Variants in SLC26A5 observed in about 807,000 individuals in gnomAD.
SLC26A5 encodes solute carrier family 26 member 5.
SLC26A5 carries 51 observed loss-of-function variants against 81.0 expected under a neutral mutation model. That is an observed-to-expected ratio of 0.63 (90% CI 0.50 to 0.80). SLC26A5 has a LOEUF of 0.80. SLC26A5 is among the 30% of genes least tolerant of loss of function. The pLI is 0.00. For missense variants in SLC26A5, 771 were observed against 905.8 expected (o/e 0.85, Z 1.91); for synonymous variants, 325 against 332.8 (o/e 0.98, Z 0.25).
At position 103,379,227 on chromosome 7, in the gene SLC26A5, A is replaced by G; in HGVS notation, c.1677+16T>C. Reference sequence around the variant, plus strand: ...CAAATCCCATCCTCAGAAATAATCAATTTCTCATGACTCACCTTTCGTTTT... The same window carrying G: ...CAAATCCCATCCTCAGAAATAATCAGTTTCTCATGACTCACCTTTCGTTTT... On this transcript the variant is annotated intron_variant, in intron 16 of 19. Coordinates refer to ENST00000306312, the MANE Select transcript of SLC26A5 (RefSeq NM_198999.3). The G allele has an allele frequency of 1.3e-6, 2 of 1,575,722 alleles. No homozygotes were observed. The highest frequency in any genetic ancestry group is 1.7e-6 in the Non-Finnish European group (2 of 1,145,314).
chr7:103,358,024 T>C (rs1820142665), intron 19 of SLC26A5, among the ~76,000 whole-genome samples: 1 of 152,210 alleles, frequency 6.6e-6, no homozygotes, highest in African/African-American at 2.4e-5. Flanking sequence ...ACCCTGGAGA[T>C]TGCCCTTTAC....
chr7:103,359,278 G>A (rs1010036417), intron 19 of SLC26A5, among the ~76,000 whole-genome samples: 1 of 150,366 alleles, frequency 6.7e-6, no homozygotes, highest in African/African-American at 2.4e-5. Context: ...GATTACAGGT[G>A]TGAGCCACCG....
Position 103,443,793 on chromosome 7 carries a change from C to A in SLC26A5, c.-182-582G>T, listed in dbSNP as rs566853530. 3.7e-4 allele frequency among the ~76,000 whole-genome samples: 57 copies of A among 152,348 alleles called. 1 individual carries two copies. The highest frequency in any genetic ancestry group is 1.3e-3 in the African/African-American group (56 of 41,578). On this transcript the variant is annotated intron_variant, in intron 1 of 19. Coordinates refer to ENST00000306312, the MANE Select transcript of SLC26A5 (RefSeq NM_198999.3). ...GTTTGTGAATTTACCCACATTGCTTCATTTCCCTTTCCCTCCATCTACCTA... is the reference window on the plus strand; with the variant it reads ...GTTTGTGAATTTACCCACATTGCTTAATTTCCCTTTCCCTCCATCTACCTA...
chr7:103,355,528 G>A (rs943647795), intron 19 of SLC26A5, among the ~76,000 whole-genome samples: 3 of 151,816 alleles, frequency 2.0e-5, no homozygotes, highest in Non-Finnish European at 4.4e-5. Context: ...TGCTGCTGGC[G>A]TCTAGTGGTG....
In SLC26A5 at chr7:103,368,226, G is replaced by T. The variant is rs186871457; in HGVS notation, c.2041+8582C>A. ...CTAATGTTATTAGGCAGAAAAGCTT[G>T]TTAGAATATATTTTGACTATTTTTT... On this transcript the variant is annotated intron_variant, in intron 19 of 19. Coordinates refer to the SLC26A5 transcript ENST00000339444. The T allele has an allele frequency of 6.8e-5, 44 of 648,130 alleles. No individual in the cohort carries two copies. In the Admixed American group the frequency reaches 1.5e-3, roughly 22 times the overall value. The allele number at this position is 648,130 out of a possible 1,614,324, so 40.1% of individuals were successfully genotyped here.
At chr7:103,390,865 C>CTT (rs532219107) in intron 11 of SLC26A5, among the ~76,000 whole-genome samples, 30 of 134,602 alleles carry the variant, frequency 2.2e-4, no homozygotes, top group East Asian at 2.0e-3. Flanking sequence ...TGGCCATTTA[C>CTT]TTTTTTTTTT....
At chr7:103,426,081 G>A (rs935636611) in intron 2 of SLC26A5, among the ~76,000 whole-genome samples, 2 of 152,208 alleles carry the variant, frequency 1.3e-5, no homozygotes, top group Non-Finnish European at 2.9e-5. Context: ...CTTTACTTAT[G>A]TGTGTCTGCA....
chr7:103,438,918 A>G (rs1826665396), intron 2 of SLC26A5, among the ~76,000 whole-genome samples: 2 of 152,182 alleles, frequency 1.3e-5, no homozygotes, highest in East Asian at 1.9e-4. Flanking sequence ...AAATTTCTCA[A>G]TTTTTAAATG....
chr7:103,401,683 T>C (rs1308121182), intron 8 of SLC26A5, among the ~76,000 whole-genome samples: 2 of 152,228 alleles, frequency 1.3e-5, no homozygotes, highest in African/African-American at 2.4e-5. Context: ...TTCAGTATGA[T>C]ATTGGCTGTG....
At chr7:103,353,015 A>T (rs1348145553) in intron 19 of SLC26A5, 6 of 776,426 alleles carry the variant, frequency 7.7e-6, no homozygotes, top group Non-Finnish European at 2.4e-6. Flanking sequence ...ATGAAAGCAC[A>T]TGAGTATTGA....
At chr7:103,420,978 T>G (rs1200014038) in intron 3 of SLC26A5, 101 bp from the exon 4 acceptor site, 10 of 1,339,050 alleles carry the variant, frequency 7.5e-6, no homozygotes, top group Admixed American at 1.8e-5. Context: ...AGGAGCAATC[T>G]GGAAAAATTT....
intron 14 of SLC26A5, 35 bp downstream of exon 14, chr7:103,388,973 G>A (rs184955984): frequency 4.5e-5 from 66 of 1,461,628 alleles, no homozygotes; most frequent in African/African-American, 3.2e-4. Context: ...CATCTCTGCC[G>A]GGACATTCAC....
intron 2 of SLC26A5, among the ~76,000 whole-genome samples, chr7:103,429,298 C>T (rs980425968): frequency 2.6e-5 from 4 of 152,214 alleles, no homozygotes; most frequent in African/African-American, 9.7e-5. Flanking sequence ...ACATTTATAA[C>T]TTTAATAATG....
chr7:103,391,900 T>G (rs1172778749), intron 10 of SLC26A5, among the ~76,000 whole-genome samples, 165 bp from the exon 11 acceptor site: 1 of 152,250 alleles, frequency 6.6e-6, no homozygotes, highest in Non-Finnish European at 1.5e-5. Context: ...AATTATGGCA[T>G]ATTTTATAGT....
At chr7:103,358,021 A>T (rs1312907296) in intron 19 of SLC26A5, among the ~76,000 whole-genome samples, 1 of 152,046 alleles carries the variant, frequency 6.6e-6, no homozygotes, top group African/African-American at 2.4e-5. Context: ...TCTACCCTGG[A>T]GATTGCCCTT....
At chr7:103,352,888 C>G (rs1819800669) in exon 20 of SLC26A5, 1 of 780,944 alleles carries the variant, frequency 1.3e-6, no homozygotes, top group Non-Finnish European at 2.4e-6. Flanking sequence ...ACGGCATTTC[C>G]CCTACGGTCT....
At chr7:103,378,350 T>G in intron 17 of SLC26A5, 96 bp downstream of exon 17, 2 of 1,218,780 alleles carry the variant, frequency 1.6e-6, no homozygotes, top group Admixed American at 1.7e-5. Context: ...CCTCTTTTAG[T>G]AACTTCGTGC....
intron 14 of SLC26A5, among the ~76,000 whole-genome samples, chr7:103,382,346 CTTT>C (rs755840628): frequency 2.6e-5 from 3 of 114,344 alleles, no homozygotes; most frequent in Admixed American, 9.4e-5. Context: ...GCCCTATTTC[CTTT>C]TTTTTTTTTT....
At chr7:103,422,577 G>C (rs1004830765) in intron 2 of SLC26A5, among the ~76,000 whole-genome samples, 1 of 152,130 alleles carries the variant, frequency 6.6e-6, no homozygotes, top group African/African-American at 2.4e-5. Flanking sequence ...GTTACCTCTA[G>C]AGAGAGGGAA....
Sources: gnomAD v4.1 joint callset for allele counts (sites outside exome capture counted in the v4.1 genomes callset) on GRCh38, gnomAD v4.1.1 for gene constraint, MANE v1.5 for transcripts, NCBI Gene and HGNC (gene_info 2026-07-23, HGNC 2026-07-21) for gene names.